DMGDH: variants seen among roughly 807,000 people sequenced by gnomAD.
DMGDH encodes dimethylglycine dehydrogenase.
Under a neutral mutation model 95.2 loss-of-function variants are expected in DMGDH, and 76 were observed. That is an observed-to-expected ratio of 0.80 (90% CI 0.66 to 0.97). The LOEUF is 0.97. Ranked by LOEUF, DMGDH falls within the 50% of genes least tolerant of loss-of-function variation. The pLI, the probability that DMGDH is intolerant of heterozygous loss-of-function variation, is 0.00. For missense variants in DMGDH, 987 were observed against 1,055.0 expected, an observed-to-expected ratio of 0.94 and a Z score of 0.89; for synonymous variants, 345 against 377.6, an observed-to-expected ratio of 0.91 and a Z score of 1.00.
chr5:79,001,001 T>C, intron 15 of DMGDH: 3 of 702,358 alleles, frequency 4.3e-6, no homozygotes, highest in Non-Finnish European at 7.8e-6. Context: ...CGTAGCTAAT[T>C]CTAATACAAA....
chr5:79,023,906 G>A, intron 14 of DMGDH, among the ~76,000 whole-genome samples: 1 of 152,206 alleles, frequency 6.6e-6, no homozygotes, highest in East Asian at 1.9e-4. Flanking sequence ...ATCAGCTAAT[G>A]TGCAATTTCC....
chr5:79,057,747 C>T (rs958844744), intron 2 of DMGDH, among the ~76,000 whole-genome samples: 1 of 152,048 alleles, frequency 6.6e-6, no homozygotes, highest in African/African-American at 2.4e-5. Context: ...TGCTAGTGAC[C>T]CCCATTTTGT....
chr5:79,028,423 C>T lies in DMGDH; in HGVS notation c.2032+10G>A, dbSNP rs758469397. 5.6e-6 allele frequency: 9 copies of T among 1,601,928 alleles called. No homozygotes were observed. In the South Asian group the frequency reaches 9.9e-5, roughly 18 times the overall value. ...TCAGAGACTTAGTCCAGGTTGTTTT[C>T]CAATCTTACCAGTATAAGATATCCT... is the stretch of plus-strand genomic sequence containing the variant. On this transcript the variant is annotated intron_variant, in intron 12 of 15. Coordinates refer to ENST00000255189, the MANE Select transcript of DMGDH (RefSeq NM_013391.3).
chr5:79,058,287 C>A (rs191310340), intron 2 of DMGDH, among the ~76,000 whole-genome samples: 1,573 of 152,282 alleles, frequency 0.01, 22 homozygotes, highest in African/African-American at 0.036. Context: ...AAATTTGGGG[C>A]TACCCATATT....
intron 5 of DMGDH, among the ~76,000 whole-genome samples, chr5:79,047,552 C>T (rs1287139375): frequency 6.6e-6 from 1 of 152,136 alleles, no homozygotes; most frequent in East Asian, 1.9e-4. Context: ...GAAAAACGTT[C>T]AACACCATGC....
intron 10 of DMGDH, among the ~76,000 whole-genome samples, chr5:79,030,251 C>G (rs1456230975): frequency 1.3e-5 from 2 of 152,200 alleles, no homozygotes; most frequent in Non-Finnish European, 2.9e-5. Flanking sequence ...TTAAAAAGCT[C>G]TTCTTCATTT....
At chr5:79,044,623 T>C in intron 5 of DMGDH, 71 bp from the exon 6 acceptor site, 1 of 1,539,734 alleles carries the variant, frequency 6.5e-7, no homozygotes, top group Non-Finnish European at 8.9e-7. Context: ...TATAGCAATT[T>C]ATATTAGAAT....
At chr5:79,027,807 C>A (rs958196410) in intron 12 of DMGDH, among the ~76,000 whole-genome samples, 43 of 151,254 alleles carry the variant, frequency 2.8e-4, no homozygotes, top group Middle Eastern at 3.2e-3. Context: ...TTGGCTGGCC[C>A]GACTATTTCA....
chr5:79,001,985 A>G (rs376889573), intron 15 of DMGDH, among the ~76,000 whole-genome samples: 13 of 152,332 alleles, frequency 8.5e-5, no homozygotes, highest in Admixed American at 5.9e-4. Flanking sequence ...TGTGAGAACA[A>G]TCTGTCCCCA....
At chr5:79,005,158 G>T in intron 15 of DMGDH, 115 bp downstream of exon 15, 1 of 1,394,416 alleles carries the variant, frequency 7.2e-7, no homozygotes, top group Non-Finnish European at 1.0e-6. Context: ...TCAAAAGCGT[G>T]TCATCCCTCC....
At chr5:79,028,673 G>GTGTTAAAT (rs1754069595) in intron 11 of DMGDH, 23 bp from the exon 12 acceptor site, 1 of 1,609,268 alleles carries the variant, frequency 6.2e-7, no homozygotes, top group East Asian at 2.2e-5. Context: ...CATGAACATG[G>GTGTTAAAT]TGTTAAATAT....
rs1754115374 is a variant in DMGDH, at chr5:79,030,113, T to C, written c.1684-79A>G. 2.4e-6 allele frequency: 3 copies of C among 1,245,866 alleles called. No homozygotes were observed. The Admixed American group carries it at 5.9e-5, about 25-fold the overall frequency. The allele number at this position is 1,245,866 out of a possible 1,614,324, so 77.2% of individuals were successfully genotyped here. Reference sequence around the variant, plus strand: ...CTTTTAACACCTATTGAAATAACAATGTGGGTGTTAAGAATGAAAAGTATC... The same window carrying C: ...CTTTTAACACCTATTGAAATAACAACGTGGGTGTTAAGAATGAAAAGTATC... On this transcript the variant is annotated intron_variant, in intron 10 of 15. Transcript: ENST00000255189.
chr5:79,029,916 A>C lies in DMGDH; in HGVS notation c.1802T>G (p.Leu601Arg). 3 of 1,614,076 alleles carry C rather than the reference A, an allele frequency of 1.9e-6. No individual in the cohort carries two copies. The highest frequency in any genetic ancestry group is 2.5e-6 in the Non-Finnish European group (3 of 1,179,968). Residue 601 changes from leucine to arginine, a missense_variant, in exon 11 of 16, where the codon CTT becomes CGT. Physicochemically the swap from Leu to Arg is moderately radical, Grantham distance 102. Coordinates refer to ENST00000255189, the MANE Select transcript of DMGDH (RefSeq NM_013391.3). The stretch of plus-strand genomic sequence containing the variant: ...GGTGTGCACTTACCTAAGATCATGA[A>C]GTTCTGATCCAGAGCCAGTAATTAA... ...FLLITGSGSELHDLRWIEEEA... is the reference protein window; with the variant it reads ...FLLITGSGSERHDLRWIEEEA...
intron 8 of DMGDH, among the ~76,000 whole-genome samples, 153 bp downstream of exon 8, chr5:79,033,086 T>C (rs1754236282): frequency 6.6e-6 from 1 of 152,208 alleles, no homozygotes. Context: ...TATACATCCA[T>C]ATATATTCCT....
rs1010550276 is a variant in DMGDH at position 79,024,733 on chromosome 5, G to A, written c.2191-403C>T. Among the ~76,000 whole-genome samples the A allele has an allele frequency of 1.1e-4, 17 of 152,344 alleles. 1 individual carries two copies. Among genetic ancestry groups the A allele is most frequent in the Admixed American group, 5.9e-4 (9 of 15,300 alleles). On this transcript the variant is annotated intron_variant, in intron 13 of 15. Transcript: ENST00000255189. The stretch of plus-strand genomic sequence containing the variant: ...ATTCACCAAGAATCAGGGTAAGGTG[G>A]AGGGAAAGCAGATAGTAGGAAGGTG...
At chr5:79,054,076 C>T in intron 4 of DMGDH, 108 bp downstream of exon 4, 1 of 1,262,044 alleles carries the variant, frequency 7.9e-7, no homozygotes. Flanking sequence ...GATTTTGTCA[C>T]ATTTAAAATG....
chr5:79,054,150 C>G, intron 4 of DMGDH, 34 bp downstream of exon 4: 1 of 1,609,946 alleles, frequency 6.2e-7, no homozygotes, highest in Non-Finnish European at 8.5e-7. Context: ...TTACTTAAGT[C>G]AACAAATGGT....
At position 78,998,310 on chromosome 5, in the gene DMGDH, AC is replaced by A; in HGVS notation, c.2386-14del. Reference sequence around the variant, plus strand: ...TGTTGCCAACCACCTGGAAAACAAGACCCAACAGTCCTCAGCATCTTGGTCA... The same window carrying A: ...TGTTGCCAACCACCTGGAAAACAAGACCAACAGTCCTCAGCATCTTGGTCA... On this transcript the variant is annotated splice_polypyrimidine_tract_variant and intron_variant, in intron 15 of 15. Transcript: ENST00000255189. 1.2e-6 allele frequency: 2 copies of A among 1,608,194 alleles called. No individual in the cohort carries two copies. Among genetic ancestry groups the A allele is most frequent in the Middle Eastern group, 3.3e-4 (2 of 6,022 alleles).
intron 12 of DMGDH, 116 bp from the exon 13 acceptor site, chr5:79,026,697 G>T: frequency 6.9e-7 from 1 of 1,452,308 alleles, no homozygotes; most frequent in African/African-American, 1.4e-5. Context: ...CACAGACATT[G>T]TCAGTCTCTA....
Sources: allele counts gnomAD v4.1 joint callset (sites outside exome capture counted in the v4.1 genomes callset), GRCh38; gene constraint gnomAD v4.1.1; transcripts MANE v1.5; gene names NCBI Gene and HGNC (gene_info 2026-07-23, HGNC 2026-07-21).